Variants in ZNF667 observed in about 807,000 individuals in gnomAD.
ZNF667 encodes myocardial ischemic preconditioning upregulated 1 ortholog.
In ZNF667, 13 loss-of-function variants were observed where a neutral mutation model predicts 31.8. The observed-to-expected ratio is 0.41, with a 90% CI of 0.27 to 0.65. The LOEUF (loss-of-function observed/expected upper bound fraction) is 0.65. Among genes scored for constraint, ZNF667 ranks in the 30% least tolerant of loss-of-function variants. The pLI, the probability that ZNF667 is intolerant of heterozygous loss-of-function variation, is 0.32. For missense variants in ZNF667, 642 were observed against 725.6 expected, an observed-to-expected ratio of 0.88 and a Z score of 1.32; for synonymous variants, 228 against 247.1, an observed-to-expected ratio of 0.92 and a Z score of 0.73.
intron 6 of ZNF667, among the ~76,000 whole-genome samples, chr19:56,456,431 G>A (rs1181285473): frequency 6.6e-6 from 1 of 152,078 alleles, no homozygotes; most frequent in Non-Finnish European, 1.5e-5. Flanking sequence ...AACAAATTGC[G>A]ACAACACACC....
intron 5 of ZNF667, among the ~76,000 whole-genome samples, chr19:56,459,647 C>A (rs55634464): frequency 0.035 from 5,402 of 152,262 alleles, 209 homozygotes; most frequent in African/African-American, 0.096. Flanking sequence ...TGTGTTACAT[C>A]AATGTCCACT....
At chr19:56,476,716 G>A (rs1238196875) in intron 1 of ZNF667, among the ~76,000 whole-genome samples, 1 of 152,078 alleles carries the variant, frequency 6.6e-6, no homozygotes, top group African/African-American at 2.4e-5. Flanking sequence ...CCATTTCCAT[G>A]GTTACAGTGA....
intron 6 of ZNF667, among the ~76,000 whole-genome samples, chr19:56,450,840 T>A (rs1037548381): frequency 1.3e-5 from 2 of 152,166 alleles, no homozygotes; most frequent in African/African-American, 4.8e-5. Flanking sequence ...TTTACGAGCC[T>A]CATGCTGACC....
rs955484300 is a variant in ZNF667, at chr19:56,440,895, T to C, written c.*267A>G. The stretch of plus-strand genomic sequence containing the variant: ...GTCTCAGCCTCCCAAAGTGCTGGGG[T>C]TACAGGTGTAAGCCACTGCGCCCAG... On this transcript the variant is annotated 3_prime_UTR_variant, in exon 7 of 7. Coordinates refer to ENST00000504904, the MANE Select transcript of ZNF667 (RefSeq NM_001321356.2). The C allele has an allele frequency of 1.6e-6, 2 of 1,237,692 alleles. No homozygotes were observed. Among genetic ancestry groups the C allele is most frequent in the Non-Finnish European group, 2.0e-6 (2 of 984,720 alleles). 76.7% of individuals were successfully genotyped at this position (1,237,692 alleles called of 1,614,324 possible). A position where few individuals can be genotyped will look rare whatever the true frequency, so the allele number is the denominator to read the frequency against.
intron 5 of ZNF667, among the ~76,000 whole-genome samples, chr19:56,459,944 A>T (rs2043009965): frequency 1.3e-5 from 2 of 152,112 alleles, no homozygotes; most frequent in African/African-American, 4.8e-5. Context: ...GTGAGCTGAG[A>T]TTGCGCCACT....
At chr19:56,467,180 T>G in intron 3 of ZNF667, 1 of 372,292 alleles carries the variant, frequency 2.7e-6, no homozygotes, top group Non-Finnish European at 5.4e-6. Context: ...CTTGACTTCA[T>G]CTGCCTGGGA....
intron 3 of ZNF667, among the ~76,000 whole-genome samples, chr19:56,466,111 A>AT (rs1391230021): frequency 6.6e-6 from 1 of 152,200 alleles, no homozygotes; most frequent in Non-Finnish European, 1.5e-5. Flanking sequence ...GGGAATTAGT[A>AT]TGTCACTCAG....
At chr19:56,470,636 G>A (rs1347962060) in intron 3 of ZNF667, among the ~76,000 whole-genome samples, 1 of 152,188 alleles carries the variant, frequency 6.6e-6, no homozygotes, top group Non-Finnish European at 1.5e-5. Flanking sequence ...TCGGTGTGGT[G>A]AAATGCTTCC....
chr19:56,450,571 A>G (rs1318601762), intron 6 of ZNF667, among the ~76,000 whole-genome samples: 1 of 152,168 alleles, frequency 6.6e-6, no homozygotes, highest in Non-Finnish European at 1.5e-5. Context: ...GATAAATACA[A>G]AATATTATAA....
In ZNF667 at chr19:56,439,599, G is replaced by C. The variant is rs1356192786; in HGVS notation, c.*1563C>G. On this transcript the variant is annotated 3_prime_UTR_variant, in exon 7 of 7. Coordinates refer to ENST00000504904, the MANE Select transcript of ZNF667 (RefSeq NM_001321356.2). ...TAGGTTCTCGTAGGGTTCTCTTCCT[G>C]TTCTGTAGACAGCTGGCTTCTTCCT... 6.6e-6 allele frequency: 1 copy of C among 152,272 alleles called. No homozygotes were observed. The highest frequency in any genetic ancestry group is 2.4e-5 in the African/African-American group (1 of 41,466). The allele number at this position is 152,272 out of a possible 1,614,324, so 9.4% of individuals were successfully genotyped here. A position where few individuals can be genotyped will look rare whatever the true frequency, so the allele number is the denominator to read the frequency against.
At chr19:56,465,292 TAGA>T (rs981462936) in intron 3 of ZNF667, among the ~76,000 whole-genome samples, 6 of 152,198 alleles carry the variant, frequency 3.9e-5, no homozygotes, top group Non-Finnish European at 5.9e-5. Context: ...GGGGTGGAGG[TAGA>T]AGAAGATAAA....
intron 6 of ZNF667, chr19:56,449,629 C>T: frequency 5.8e-6 from 1 of 171,270 alleles, no homozygotes; most frequent in Non-Finnish European, 1.3e-5. Flanking sequence ...TTGCAGTGAG[C>T]CGAGATCATG....
At chr19:56,465,906 G>A (rs1160937871) in intron 3 of ZNF667, among the ~76,000 whole-genome samples, 1 of 152,222 alleles carries the variant, frequency 6.6e-6, no homozygotes, top group Admixed American at 6.5e-5. Flanking sequence ...TCAGCTTCAT[G>A]GTGTGGTGCA....
At position 56,464,630 on chromosome 19, in the gene ZNF667, C is replaced by G. The variant is rs117349207; in HGVS notation, c.-59-2201G>C. ...CTGTGGGGCAGTGCTGCCACATGCT[C>G]TCTTATTGTATTGCCCCATTTTCCA... On this transcript the variant is annotated intron_variant, in intron 3 of 6. Coordinates refer to ENST00000504904, the MANE Select transcript of ZNF667 (RefSeq NM_001321356.2). Among the ~76,000 whole-genome samples the G allele has an allele frequency of 7.1e-3, 1,076 of 152,314 alleles. 3 individuals carry two copies. The highest frequency in any genetic ancestry group is 0.012 in the Non-Finnish European group (824 of 68,024).
In ZNF667 at chr19:56,473,763, T is replaced by C. The variant is rs534797158; in HGVS notation, c.-549+249A>G. On this transcript the variant is annotated intron_variant, in intron 2 of 6. Coordinates refer to ENST00000504904, the MANE Select transcript of ZNF667 (RefSeq NM_001321356.2). ...GAAAAACCTCCAAGATAAAATGGTA[T>C]TATAAGGGCAAAAACATAGAAAAGT... 2.1e-3 allele frequency among the ~76,000 whole-genome samples: 316 copies of C among 152,128 alleles called. 2 individuals are homozygous for C. Among genetic ancestry groups the C allele is most frequent in the Non-Finnish European group, 3.3e-3 (226 of 67,984 alleles).
chr19:56,460,835 G>T lies in ZNF667; in HGVS notation c.34-20C>A. 6.4e-7 allele frequency: 1 copy of T among 1,573,232 alleles called. No homozygotes were observed. Among genetic ancestry groups the T allele is most frequent in the South Asian group, 1.2e-5 (1 of 84,076 alleles). The stretch of plus-strand genomic sequence containing the variant: ...AGGTGCCTGAAATGAAAAATCAAAT[G>T]TCTATTCACCATGGACTTGTGCTTC... On this transcript the variant is annotated intron_variant, in intron 4 of 6. Transcript: ENST00000504904.
intron 5 of ZNF667, among the ~76,000 whole-genome samples, chr19:56,458,547 T>C (rs1288222600): frequency 6.6e-6 from 1 of 152,220 alleles, no homozygotes; most frequent in East Asian, 1.9e-4. Flanking sequence ...TGGGGGCTGG[T>C]TGCCGATCAT....
chr19:56,445,918 T>G lies in ZNF667; in HGVS notation c.254-3177A>C, dbSNP rs867510722. Among the ~76,000 whole-genome samples the G allele has an allele frequency of 6.6e-4, 88 of 133,866 alleles. 1 individual carries two copies. Among genetic ancestry groups the G allele is most frequent in the Middle Eastern group, 3.8e-3 (1 of 266 alleles). 87.8% of individuals were successfully genotyped at this position (133,866 alleles called of 152,430 possible). A position where few individuals can be genotyped will look rare whatever the true frequency, so the allele number is the denominator to read the frequency against. The stretch of plus-strand genomic sequence containing the variant: ...AGACCCCACCTCCAACACTGAGGAT[T>G]AAATTTCAACATGAGATTTGGTGAG... On this transcript the variant is annotated intron_variant, in intron 6 of 6. Coordinates refer to ENST00000504904, the MANE Select transcript of ZNF667 (RefSeq NM_001321356.2).
intron 5 of ZNF667, among the ~76,000 whole-genome samples, chr19:56,460,004 T>A (rs1412512102): frequency 2.0e-5 from 3 of 151,638 alleles, no homozygotes; most frequent in Non-Finnish European, 2.9e-5. Flanking sequence ...AAAAAAAAAA[T>A]TTATACCAAA....
Sources: gnomAD v4.1 joint callset for allele counts (sites outside exome capture counted in the v4.1 genomes callset) on GRCh38, gnomAD v4.1.1 for gene constraint, MANE v1.5 for transcripts, NCBI Gene and HGNC (gene_info 2026-07-23, HGNC 2026-07-21) for gene names.